Variants in EFEMP1 observed in about 807,000 individuals in gnomAD.
EFEMP1 encodes EGF-containing fibulin-like extracellular matrix protein 1.
EFEMP1 carries 18 observed loss-of-function variants against 65.7 expected under a neutral mutation model. The ratio of observed to expected loss-of-function variants is 0.27; its 90% CI spans 0.19 to 0.41. EFEMP1 has a LOEUF of 0.41. Among genes scored for constraint, EFEMP1 ranks in the 10% least tolerant of loss-of-function variants. The probability of loss-of-function intolerance (pLI) is 1.00; values close to 1 mark genes in which losing one functional copy is unlikely to be tolerated. For synonymous variants in EFEMP1, 237 were observed against 219.7 expected, an observed-to-expected ratio of 1.08 and a Z score of -0.70; for missense variants, 469 against 624.8, an observed-to-expected ratio of 0.75 and a Z score of 2.66.
At chr2:55,891,570 A>C (rs973173201) in intron 5 of EFEMP1, among the ~76,000 whole-genome samples, 29 of 152,110 alleles carry the variant, frequency 1.9e-4, no homozygotes, top group Non-Finnish European at 3.1e-4. Flanking sequence ...ATAGCTTTGT[A>C]TAGCTGTGAA....
At chr2:55,888,833 C>G (rs1669526376) in intron 5 of EFEMP1, among the ~76,000 whole-genome samples, 1 of 152,142 alleles carries the variant, frequency 6.6e-6, no homozygotes, top group Non-Finnish European at 1.5e-5. Context: ...GGCTGGAGAC[C>G]TGCTTCAAAG....
At chr2:55,868,590 T>G (rs1184225055) in intron 11 of EFEMP1, among the ~76,000 whole-genome samples, 1 of 152,152 alleles carries the variant, frequency 6.6e-6, no homozygotes, top group African/African-American at 2.4e-5. Context: ...ATTCCACATA[T>G]CCTTTCAAGA....
In EFEMP1 at chr2:55,877,965, AAAAGT is replaced by A; in HGVS notation, c.641-105_641-101del. 1 of 1,425,478 alleles carries A rather than the reference AAAAGT, an allele frequency of 7.0e-7. No homozygotes were observed. The highest frequency in any genetic ancestry group is 2.1e-4 in the Middle Eastern group (1 of 4,848). 88.3% of individuals were successfully genotyped at this position (1,425,478 alleles called of 1,614,324 possible). ...ACCTATGTAGAGAAAATCTCTTTTTAAAAGTAATAATTTCCTATTTTGTTAAAATT... is the reference window on the plus strand; with the variant it reads ...ACCTATGTAGAGAAAATCTCTTTTTAAATAATTTCCTATTTTGTTAAAATT... On this transcript the variant is annotated intron_variant, in intron 6 of 11. Transcript: ENST00000355426. This position sits in a 1 kb window ranked among gnomAD's most constrained non-coding sequence, Gnocchi z 4.5.
intron 5 of EFEMP1, among the ~76,000 whole-genome samples, chr2:55,897,702 C>T (rs1052877402): frequency 6.6e-6 from 1 of 152,146 alleles, no homozygotes; most frequent in Non-Finnish European, 1.5e-5. Flanking sequence ...CAGCCTCACC[C>T]CTACTCCCAA....
rs539325724 is a variant in EFEMP1, at chr2:55,886,878, A to G, written c.518-5144T>C. 6.6e-6 allele frequency among the ~76,000 whole-genome samples: 1 copy of G among 152,290 alleles called. No homozygotes were observed. Among genetic ancestry groups the G allele is most frequent in the South Asian group, 2.1e-4 (1 of 4,828 alleles). On this transcript the variant is annotated intron_variant, in intron 5 of 11. Transcript: ENST00000355426. This position sits in a 1 kb window ranked among gnomAD's most constrained non-coding sequence, Gnocchi z 4.0. ...TTTACTACTGTTTTACTCATCCAGT[A>G]TTTGCTATTGATAATGATAACCTGA...
chr2:55,890,519 G>A (rs1669591818), intron 5 of EFEMP1, among the ~76,000 whole-genome samples: 2 of 151,934 alleles, frequency 1.3e-5, no homozygotes, highest in South Asian at 2.1e-4. Context: ...TAAATACTGA[G>A]GGAACATTAA....
chr2:55,922,264 A>G lies in EFEMP1; in HGVS notation c.81+96T>C, dbSNP rs1670929141. The G allele has an allele frequency of 5.5e-6, 6 of 1,099,764 alleles. No individual in the cohort carries two copies. Among genetic ancestry groups the G allele is most frequent in the Admixed American group, 3.4e-5 (2 of 58,306 alleles). The allele number at this position is 1,099,764 out of a possible 1,614,324, so 68.1% of individuals were successfully genotyped here. On this transcript the variant is annotated intron_variant, in intron 3 of 11. Transcript: ENST00000355426. The surrounding 1 kb of genome is among the most constrained non-coding windows in gnomAD (Gnocchi z 5.5). Reference sequence around the variant, plus strand: ...TTGTTTAATTTATCACCCTCAGCAGAGTATAGCCCAAATACACTGGCAGGG... The same window carrying G: ...TTGTTTAATTTATCACCCTCAGCAGGGTATAGCCCAAATACACTGGCAGGG...
At chr2:55,892,520 C>T (rs1219613268) in intron 5 of EFEMP1, among the ~76,000 whole-genome samples, 1 of 135,322 alleles carries the variant, frequency 7.4e-6, no homozygotes, top group South Asian at 2.3e-4. Flanking sequence ...TGAAAATGGA[C>T]TCATCTTTCT....
At chr2:55,889,762 AAATTTTGATAAGT>A (rs751930945) in intron 5 of EFEMP1, among the ~76,000 whole-genome samples, 2 of 152,010 alleles carry the variant, frequency 1.3e-5, no homozygotes, top group Non-Finnish European at 2.9e-5. Flanking sequence ...AATTGATCTT[AAATTTTGATAAGT>A]CATGGATGCA....
intron 5 of EFEMP1, among the ~76,000 whole-genome samples, chr2:55,913,988 TGACA>T (rs1670581409): frequency 6.6e-6 from 1 of 151,948 alleles, no homozygotes. Context: ...CCAGCCTGGG[TGACA>T]GCGTGAGACT....
intron 5 of EFEMP1, among the ~76,000 whole-genome samples, chr2:55,891,455 A>T (rs1287344091): frequency 6.6e-6 from 1 of 152,128 alleles, no homozygotes; most frequent in Non-Finnish European, 1.5e-5. Flanking sequence ...GATGATTAAA[A>T]ATTGAAAAAC....
Position 55,872,062 on chromosome 2 carries a change from A to G in EFEMP1, c.1001-939T>C, listed in dbSNP as rs188942684. Among the ~76,000 whole-genome samples, 239 of 151,670 alleles carry G rather than the reference A, an allele frequency of 1.6e-3. 1 individual carries two copies. The highest frequency in any genetic ancestry group is 5.8e-4 in the East Asian group (3 of 5,172). On this transcript the variant is annotated intron_variant, in intron 9 of 11. Transcript: ENST00000355426. ...AGAACAGTTTTACTAGAGAGCCATT[A>G]CATTTATAACAACAACAACAACAAC...
Position 55,883,739 on chromosome 2 carries a change from G to A in EFEMP1, c.518-2005C>T, listed in dbSNP as rs1669328505. Reference sequence around the variant, plus strand: ...CTACTTTCTTGTTGCTCATTTCTTAGTGTCTGATAAATAGGCTAACATTTC... The same window carrying A: ...CTACTTTCTTGTTGCTCATTTCTTAATGTCTGATAAATAGGCTAACATTTC... On this transcript the variant is annotated intron_variant, in intron 5 of 11. Coordinates refer to ENST00000355426, the MANE Select transcript of EFEMP1 (RefSeq NM_001039348.3). The surrounding 1 kb of genome is among the most constrained non-coding windows in gnomAD (Gnocchi z 4.5). Among the ~76,000 whole-genome samples the A allele has an allele frequency of 6.6e-6, 1 of 152,046 alleles. No individual in the cohort carries two copies. Among genetic ancestry groups the A allele is most frequent in the South Asian group, 2.1e-4 (1 of 4,832 alleles).
rs1045145379 is a variant in EFEMP1, at chr2:55,923,507, A to C, written c.-49+204T>G. 6.6e-6 allele frequency among the ~76,000 whole-genome samples: 1 copy of C among 152,064 alleles called. No individual in the cohort carries two copies. Among genetic ancestry groups the C allele is most frequent in the Non-Finnish European group, 1.5e-5 (1 of 68,006 alleles). On this transcript the variant is annotated intron_variant, in intron 1 of 11. Transcript: ENST00000355426. The surrounding 1 kb of genome is among the most constrained non-coding windows in gnomAD (Gnocchi z 5.3). Reference sequence around the variant, plus strand: ...CGCACACACATGCCCATCCCAACAGATGTCACCCGAGTACTCGCACTTGCT... The same window carrying C: ...CGCACACACATGCCCATCCCAACAGCTGTCACCCGAGTACTCGCACTTGCT...
At chr2:55,872,934 C>A (rs1346563714) in intron 9 of EFEMP1, among the ~76,000 whole-genome samples, 1 of 151,982 alleles carries the variant, frequency 6.6e-6, no homozygotes, top group Admixed American at 6.6e-5. Flanking sequence ...TTATTACTTC[C>A]ATTAATGTAG....
At chr2:55,881,578 GA>G in intron 6 of EFEMP1, 33 bp downstream of exon 6, 2 of 1,612,448 alleles carry the variant, frequency 1.2e-6, no homozygotes, top group Non-Finnish European at 1.7e-6. Context: ...AGGTACTCAA[GA>G]CAGGACCGTG....
rs1668755723 is a variant in EFEMP1 at position 55,870,357 on chromosome 2, G to T, written c.1320+363C>A. On this transcript the variant is annotated intron_variant, in intron 11 of 11. Transcript: ENST00000355426. The surrounding 1 kb of genome is among the most constrained non-coding windows in gnomAD (Gnocchi z 5.8). ...ATGATTAGTGATACCTACTTGGGGG[G>T]TATGTTGGGTGGGGGCAGAGGCGGG... Among the ~76,000 whole-genome samples, 1 of 137,754 alleles carries T rather than the reference G, an allele frequency of 7.3e-6. No individual in the cohort carries two copies. The highest frequency in any genetic ancestry group is 7.6e-5 in the Admixed American group (1 of 13,172). The allele number at this position is 137,754 out of a possible 152,430, so 90.4% of individuals were successfully genotyped here. A position where few individuals can be genotyped will look rare whatever the true frequency, so the allele number is the denominator to read the frequency against.
chr2:55,921,420 AAG>A lies in EFEMP1; in HGVS notation c.81+938_81+939del, dbSNP rs1391452881. 6.6e-6 allele frequency among the ~76,000 whole-genome samples: 1 copy of A among 152,258 alleles called. No homozygotes were observed. Among genetic ancestry groups the A allele is most frequent in the African/African-American group, 2.4e-5 (1 of 41,470 alleles). ...CAGTAATTGACATTAGTTCATTTTT[AAG>A]AGTTTTCTTTTCAAAAATTTTTCAC... On this transcript the variant is annotated intron_variant, in intron 3 of 11. Transcript: ENST00000355426. This position sits in a 1 kb window ranked among gnomAD's most constrained non-coding sequence, Gnocchi z 4.1.
intron 5 of EFEMP1, among the ~76,000 whole-genome samples, chr2:55,915,501 G>GT (rs1670644981): frequency 6.6e-6 from 1 of 152,146 alleles, no homozygotes. Context: ...AATACATGTT[G>GT]TAAGTCTTGA....
Sources: allele counts gnomAD v4.1 joint callset (sites outside exome capture counted in the v4.1 genomes callset), GRCh38; gene constraint gnomAD v4.1.1; non-coding constraint Gnocchi (gnomAD v3.1); transcripts MANE v1.5; gene names NCBI Gene and HGNC (gene_info 2026-07-23, HGNC 2026-07-21).